The following SERPINB7 variants were observed in gnomAD, a reference collection of about 807,000 sequenced individuals.
SERPINB7 encodes serpin family B member 7, also known as serpin B7.
SERPINB7 carries 31 observed loss-of-function variants against 37.4 expected under a neutral mutation model. The observed-to-expected ratio is 0.83, with a 90% CI of 0.62 to 1.12. The LOEUF (loss-of-function observed/expected upper bound fraction) is 1.12. SERPINB7 is among the 50% of genes most tolerant of loss of function. SERPINB7 has a pLI of 0.00. For synonymous variants in SERPINB7, 163 were observed against 166.1 expected (o/e 0.98, Z 0.14); for missense variants, 521 against 455.3 (o/e 1.14, Z -1.31).
chr18:63,777,866 T>A (rs2049263822), intron 1 of SERPINB7: 1 of 142,830 alleles, frequency 7.0e-6, no homozygotes, highest in Non-Finnish European at 1.5e-5. Flanking sequence ...TCTGGCCAGA[T>A]CCTTTGAAAA....
At chr18:63,767,881 G>T (rs191293281) in intron 1 of SERPINB7, among the ~76,000 whole-genome samples, 18 of 152,028 alleles carry the variant, frequency 1.2e-4, no homozygotes, top group Admixed American at 9.8e-4. Context: ...TTTAATATGG[G>T]GTGAGTTTTG....
chr18:63,771,897 G>A (rs1043664217), upstream of SERPINB7, among the ~76,000 whole-genome samples: 1 of 151,130 alleles, frequency 6.6e-6, no homozygotes, highest in Middle Eastern at 3.2e-3. Flanking sequence ...TGATCAGGAA[G>A]GCTTCATGGT....
intron 1 of SERPINB7, among the ~76,000 whole-genome samples, chr18:63,770,162 T>C (rs1417962275): frequency 2.0e-5 from 3 of 150,838 alleles, no homozygotes; most frequent in African/African-American, 7.3e-5. Flanking sequence ...TTGTGGCATC[T>C]GCTTGTAGTG....
intron 2 of SERPINB7, among the ~76,000 whole-genome samples, chr18:63,785,955 A>T (rs1473477087): frequency 7.6e-6 from 1 of 132,444 alleles, no homozygotes; most frequent in Admixed American, 7.6e-5. Flanking sequence ...TAATATACTT[A>T]TATATACACA....
At chr18:63,768,769 C>T (rs2144592461) in intron 1 of SERPINB7, among the ~76,000 whole-genome samples, 1 of 152,202 alleles carries the variant, frequency 6.6e-6, no homozygotes, top group Admixed American at 6.5e-5. Context: ...ATGTTTCCAT[C>T]ACCCCCAAAA....
intron 7 of SERPINB7, among the ~76,000 whole-genome samples, chr18:63,801,982 A>G (rs964253795): frequency 6.6e-6 from 1 of 152,154 alleles, no homozygotes; most frequent in African/African-American, 2.4e-5. Flanking sequence ...AAGGTGGTTT[A>G]GTTTTGGGAA....
chr18:63,763,222 T>G (rs570500744), intron 1 of SERPINB7, among the ~76,000 whole-genome samples: 27 of 152,268 alleles, frequency 1.8e-4, no homozygotes, highest in African/African-American at 6.5e-4. Context: ...TTGTTGAAAA[T>G]TCTATATCTC....
At chr18:63,778,310 A>T (rs2144604725) in intron 1 of SERPINB7, among the ~76,000 whole-genome samples, 1 of 152,292 alleles carries the variant, frequency 6.6e-6, no homozygotes, top group African/African-American at 2.4e-5. Context: ...AAATACAAAG[A>T]TTTTAAAATA....
At chr18:63,767,434 G>T (rs1161981663) in intron 1 of SERPINB7, among the ~76,000 whole-genome samples, 3 of 151,866 alleles carry the variant, frequency 2.0e-5, no homozygotes, top group Admixed American at 6.6e-5. Flanking sequence ...GTTGATATTT[G>T]CTTTTTAGAG....
At chr18:63,771,134 G>A (rs920052655), upstream of SERPINB7, among the ~76,000 whole-genome samples, 12 of 152,206 alleles carry the variant, frequency 7.9e-5, no homozygotes, top group South Asian at 2.3e-3. Context: ...AAAAGGGAAA[G>A]GGAGGCATAA....
At chr18:63,776,327 G>T (rs2144600858) in intron 1 of SERPINB7, among the ~76,000 whole-genome samples, 1 of 152,074 alleles carries the variant, frequency 6.6e-6, no homozygotes, top group South Asian at 2.1e-4. Context: ...CCCACTAGGG[G>T]TAACTAAAGC....
intron 1 of SERPINB7, among the ~76,000 whole-genome samples, chr18:63,758,137 T>C (rs893790173): frequency 6.6e-6 from 1 of 152,194 alleles, no homozygotes; most frequent in Admixed American, 6.5e-5. Context: ...CAAACACACA[T>C]ACTGTATCAT....
intron 7 of SERPINB7, among the ~76,000 whole-genome samples, chr18:63,802,235 A>G (rs1244797766): frequency 6.6e-6 from 1 of 152,170 alleles, no homozygotes; most frequent in African/African-American, 2.4e-5. Context: ...GGAGAAATGG[A>G]CCAACACAGT....
chr18:63,767,715 A>C (rs1350918203), intron 1 of SERPINB7, among the ~76,000 whole-genome samples: 1 of 151,714 alleles, frequency 6.6e-6, no homozygotes, highest in African/African-American at 2.4e-5. Context: ...GTTATTTCTC[A>C]TTTTCTGGAA....
intron 1 of SERPINB7, among the ~76,000 whole-genome samples, chr18:63,779,155 A>G (rs1027829738): frequency 5.9e-5 from 9 of 152,224 alleles, no homozygotes; most frequent in Non-Finnish European, 1.2e-4. Flanking sequence ...ACTCAAGTCA[A>G]TTGGTAGCTG....
At chr18:63,781,007 T>C (rs1376914323) in intron 1 of SERPINB7, among the ~76,000 whole-genome samples, 1 of 152,234 alleles carries the variant, frequency 6.6e-6, no homozygotes, top group Non-Finnish European at 1.5e-5. Flanking sequence ...AAAGTTTTTT[T>C]TTAATTTTTT....
At chr18:63,796,703 C>T (rs1339397060) in intron 5 of SERPINB7, among the ~76,000 whole-genome samples, 1 of 152,120 alleles carries the variant, frequency 6.6e-6, no homozygotes, top group Non-Finnish European at 1.5e-5. Flanking sequence ...AAATTAACCT[C>T]AATATCTCAC....
chr18:63,798,553 T>TTTATA, intron 5 of SERPINB7, 51 bp from the exon 6 acceptor site: 1 of 1,414,732 alleles, frequency 7.1e-7, no homozygotes, highest in Non-Finnish European at 9.6e-7. Flanking sequence ...TTAAATCATT[T>TTTATA]TTAAAATTAT....
At chr18:63,798,905 C>T (rs972301439) in intron 6 of SERPINB7, among the ~76,000 whole-genome samples, 159 bp downstream of exon 6, 2 of 152,154 alleles carry the variant, frequency 1.3e-5, no homozygotes, top group African/African-American at 4.8e-5. Flanking sequence ...ATAAAGCAAA[C>T]TTTCTATTTT....
Sources: gnomAD v4.1 joint callset for allele counts (sites outside exome capture counted in the v4.1 genomes callset) on GRCh38, gnomAD v4.1.1 for gene constraint, MANE v1.5 for transcripts, NCBI Gene and HGNC (gene_info 2026-07-23, HGNC 2026-07-21) for gene names.